Variants in BMPR1A observed in about 807,000 individuals in gnomAD.
BMPR1A encodes the protein bone morphogenetic protein receptor type 1A, also known as bone morphogenetic protein receptor type-1A.
Under a neutral mutation model 66.0 loss-of-function variants are expected in BMPR1A, and 7 were observed. The observed-to-expected ratio is 0.11, with a 90% confidence interval of 0.06 to 0.20. BMPR1A has a LOEUF of 0.20. Among genes scored for constraint, BMPR1A ranks in the 10% least tolerant of loss-of-function variants. The pLI is 1.00. For synonymous variants in BMPR1A, 200 were observed against 229.7 expected (o/e 0.87, Z 1.17); for missense variants, 408 against 669.1 (o/e 0.61, Z 4.31).
At chr10:86,797,068 C>CTTTTTTTTTTT (rs780930060) in intron 1 of BMPR1A, among the ~76,000 whole-genome samples, 12 of 105,032 alleles carry the variant, frequency 1.1e-4, no homozygotes, top group East Asian at 5.3e-4. Flanking sequence ...CTTTTCTTTT[C>CTTTTTTTTTTT]TTTTTTTTTT....
chr10:86,790,173 AAAAAAAAAAAAAAAAATATATATATATAT>A lies in BMPR1A; in HGVS notation c.-268+33256_-268+33284del, dbSNP rs1394494627. Among the ~76,000 whole-genome samples the A allele has an allele frequency of 2.6e-4, 10 of 37,884 alleles. 1 individual carries two copies. The highest frequency in any genetic ancestry group is 4.2e-4 in the Admixed American group (1 of 2,358). 24.9% of individuals were successfully genotyped at this position (37,884 alleles called of 152,430 possible). On this transcript the variant is annotated intron_variant, in intron 1 of 12. Coordinates refer to ENST00000372037, the MANE Select transcript of BMPR1A (RefSeq NM_004329.3). Reference sequence around the variant, plus strand: ...CGAGACTCTGTCTCCAAAAAAAAAAAAAAAAAAAAAAAAAAATATATATATATATATATATATATATATATATATATATA... The same window carrying A: ...CGAGACTCTGTCTCCAAAAAAAAAAAATATATATATATATATATATATATA...
chr10:86,855,197 C>G lies in BMPR1A; in HGVS notation c.-153+16218C>G, dbSNP rs974858923. On this transcript the variant is annotated intron_variant, in intron 2 of 12. Transcript: ENST00000372037. The stretch of plus-strand genomic sequence containing the variant: ...GGGATTACAGGCGTGAGCCACCACA[C>G]CCTGCGTCGCTAAGTTTTTTAACCA... 4 of 662,760 alleles carry G rather than the reference C, an allele frequency of 6.0e-6. No individual in the cohort carries two copies. In the African/African-American group the frequency reaches 7.4e-5, roughly 12 times the overall value. 41.1% of individuals were successfully genotyped at this position (662,760 alleles called of 1,614,324 possible). A position where few individuals can be genotyped will look rare whatever the true frequency, so the allele number is the denominator to read the frequency against.
chr10:86,797,247 T>TTG (rs1554879690), intron 1 of BMPR1A, among the ~76,000 whole-genome samples: 7 of 124,928 alleles, frequency 5.6e-5, no homozygotes, highest in Non-Finnish European at 1.2e-4. Context: ...TTTTTTTTTT[T>TTG]TGAGACGGAG....
At chr10:86,831,138 G>A (rs1842262122) in intron 1 of BMPR1A, among the ~76,000 whole-genome samples, 1 of 152,178 alleles carries the variant, frequency 6.6e-6, no homozygotes, top group East Asian at 1.9e-4. Flanking sequence ...TCAGCTGATC[G>A]GCAATTAAGG....
intron 1 of BMPR1A, among the ~76,000 whole-genome samples, chr10:86,780,942 T>C (rs992950015): frequency 2.6e-5 from 4 of 152,058 alleles, no homozygotes; most frequent in Admixed American, 6.6e-5. Flanking sequence ...CTCAAGCTAC[T>C]TGGGCTCAAG....
At chr10:86,930,790 C>G (rs557362621), downstream of BMPR1A, 1 of 152,276 alleles carries the variant, frequency 6.6e-6, no homozygotes, top group South Asian at 2.1e-4. Context: ...TGTGCAGTGG[C>G]TGTTCACAGG....
intron 1 of BMPR1A, among the ~76,000 whole-genome samples, chr10:86,766,156 A>G (rs1841159318): frequency 6.6e-6 from 1 of 151,756 alleles, no homozygotes; most frequent in Admixed American, 6.6e-5. Context: ...CCAGCTAATT[A>G]AAAAATTTTT....
At position 86,917,308 on chromosome 10, in the gene BMPR1A, C is replaced by T. The variant is rs765530074; in HGVS notation, c.850C>T (p.Arg284Cys). ...AGAAATCTACCAAACTGTGCTAATG[C>T]GCCATGAAAACATACTTGGTGGGTA... ...ETEIYQTVLMRHENILGFIAA... is the reference protein window; with the variant it reads ...ETEIYQTVLMCHENILGFIAA... Residue 284 changes from arginine to cysteine, a missense_variant, in exon 9 of 13, where the codon CGC becomes TGC. Arg to Cys is a radical substitution (Grantham distance 180). Transcript: ENST00000372037. The T allele has an allele frequency of 6.2e-7, 1 of 1,614,056 alleles. No individual in the cohort carries two copies. Among genetic ancestry groups the T allele is most frequent in the Non-Finnish European group, 8.5e-7 (1 of 1,179,994 alleles).
chr10:86,804,650 T>C (rs1841861474), intron 1 of BMPR1A, among the ~76,000 whole-genome samples: 1 of 152,170 alleles, frequency 6.6e-6, no homozygotes, highest in African/African-American at 2.4e-5. Context: ...GCAAGGTTGG[T>C]GTTTGATGAT....
At chr10:86,782,878 T>G (rs1342426665) in intron 1 of BMPR1A, among the ~76,000 whole-genome samples, 1 of 152,222 alleles carries the variant, frequency 6.6e-6, no homozygotes, top group African/African-American at 2.4e-5. Flanking sequence ...TTTGTAAGTT[T>G]GATGTAATTC....
chr10:86,888,148 CT>C (rs34024160), intron 3 of BMPR1A, among the ~76,000 whole-genome samples: 12,428 of 138,060 alleles, frequency 0.09, 514 homozygotes, highest in South Asian at 0.12. Context: ...AAACTTCCAG[CT>C]TTTTTTTTTT....
At chr10:86,782,243 A>G (rs1350236403) in intron 1 of BMPR1A, among the ~76,000 whole-genome samples, 2 of 152,140 alleles carry the variant, frequency 1.3e-5, no homozygotes, top group Non-Finnish European at 2.9e-5. Flanking sequence ...TGAGAGACAC[A>G]AGTTAATTAC....
At chr10:86,873,780 C>G (rs1335889731) in intron 2 of BMPR1A, among the ~76,000 whole-genome samples, 1 of 152,148 alleles carries the variant, frequency 6.6e-6, no homozygotes, top group Non-Finnish European at 1.5e-5. Flanking sequence ...CAAAGAAATG[C>G]TGTTAAATCA....
At chr10:86,759,662 G>A (rs975382282) in intron 1 of BMPR1A, among the ~76,000 whole-genome samples, 3 of 152,050 alleles carry the variant, frequency 2.0e-5, no homozygotes, top group Non-Finnish European at 4.4e-5. Flanking sequence ...AATTCATATT[G>A]GTGTGAAGGT....
chr10:86,903,588 C>CTAG (rs921905111), intron 7 of BMPR1A, among the ~76,000 whole-genome samples: 1 of 151,526 alleles, frequency 6.6e-6, no homozygotes, highest in African/African-American at 2.4e-5. Context: ...TCAAATTTAT[C>CTAG]TATTATTATT....
chr10:86,795,174 A>AT (rs536628407), intron 1 of BMPR1A, among the ~76,000 whole-genome samples: 118 of 145,392 alleles, frequency 8.1e-4, no homozygotes, highest in East Asian at 1.8e-3. Context: ...TTTAATCTTT[A>AT]TTTTTTTTTT....
chr10:86,850,699 A>G (rs961535674), intron 2 of BMPR1A, among the ~76,000 whole-genome samples: 2 of 152,066 alleles, frequency 1.3e-5, no homozygotes, highest in African/African-American at 4.8e-5. Context: ...TGGCATGATC[A>G]TGACTCACCA....
chr10:86,927,656 CT>C lies in BMPR1A; in HGVS notation c.*3941del. 1 of 198,174 alleles carries C rather than the reference CT, an allele frequency of 5.0e-6. No homozygotes were observed. The highest frequency in any genetic ancestry group is 1.0e-5 in the Non-Finnish European group (1 of 95,914). 12.3% of individuals were successfully genotyped at this position (198,174 alleles called of 1,614,324 possible). A position where few individuals can be genotyped will look rare whatever the true frequency, so the allele number is the denominator to read the frequency against. ...TGTTTTCTATGGAATTATTTAAGCC[CT>C]TTTAGTGACCTTTGTCCTGGCCCAT... On this transcript the variant is annotated 3_prime_UTR_variant, in exon 13 of 13. Transcript: ENST00000372037.
intron 1 of BMPR1A, among the ~76,000 whole-genome samples, chr10:86,834,749 T>G (rs949558743): frequency 6.6e-6 from 1 of 152,186 alleles, no homozygotes; most frequent in African/African-American, 2.4e-5. Flanking sequence ...CCACATTATG[T>G]TTTTCTGGAG....
Sources: allele counts gnomAD v4.1 joint callset (sites outside exome capture counted in the v4.1 genomes callset), GRCh38; gene constraint gnomAD v4.1.1; transcripts MANE v1.5; gene names NCBI Gene and HGNC (gene_info 2026-07-23, HGNC 2026-07-21).